Variants in CERT1 observed in about 807,000 individuals in gnomAD.
The protein encoded by CERT1 is ceramide transfer protein.
A neutral mutation model predicts 87.9 loss-of-function variants in CERT1; 31 were observed. That is an observed-to-expected ratio of 0.35 (90% CI 0.27 to 0.48). The LOEUF (loss-of-function observed/expected upper bound fraction) is 0.48. Ranked by LOEUF, CERT1 falls within the 20% of genes least tolerant of loss-of-function variation. The pLI is 0.99. For synonymous variants in CERT1, 289 were observed against 250.9 expected (o/e 1.15, Z -1.44); for missense variants, 487 against 758.0 (o/e 0.64, Z 4.20).
chr5:75,432,055 C>G (rs112087285), intron 3 of CERT1, among the ~76,000 whole-genome samples: 7 of 150,642 alleles, frequency 4.6e-5, no homozygotes, highest in Admixed American at 2.0e-4. Flanking sequence ...CATTCCCCCC[C>G]CCTTTTTTTT....
At chr5:75,403,079 G>GA in intron 8 of CERT1, 21 bp from the exon 9 acceptor site, 3 of 1,510,018 alleles carry the variant, frequency 2.0e-6, no homozygotes, top group Non-Finnish European at 2.7e-6. Context: ...ACACAGTGGA[G>GA]AAAAAAGCAG....
intron 2 of CERT1, among the ~76,000 whole-genome samples, chr5:75,463,100 T>C (rs1283918767): frequency 1.3e-5 from 2 of 151,212 alleles, no homozygotes; most frequent in East Asian, 1.9e-4. Context: ...AAGCAAATAC[T>C]TTAGCTGGTG....
chr5:75,502,600 T>A (rs1255356270), intron 2 of CERT1, among the ~76,000 whole-genome samples: 1 of 152,120 alleles, frequency 6.6e-6, no homozygotes, highest in Non-Finnish European at 1.5e-5. Flanking sequence ...TAAATATTTA[T>A]GAAAGATATA....
intron 5 of CERT1, 151 bp from the exon 6 acceptor site, chr5:75,419,575 T>TCA: frequency 1.6e-6 from 1 of 609,210 alleles, no homozygotes; most frequent in Non-Finnish European, 2.9e-6. Context: ...CAAGGTATGC[T>TCA]CAATAAATAT....
intron 11 of CERT1, among the ~76,000 whole-genome samples, chr5:75,398,311 AAAT>A (rs1561233253): frequency 3.9e-5 from 6 of 152,312 alleles, no homozygotes; most frequent in African/African-American, 9.6e-5. Context: ...ACAGAGGAAA[AAAT>A]AATGATGTAG....
intron 8 of CERT1, among the ~76,000 whole-genome samples, chr5:75,407,533 C>A (rs996874009): frequency 1.7e-4 from 23 of 137,450 alleles, no homozygotes; most frequent in African/African-American, 6.2e-4. Context: ...AAAACCCAAA[C>A]AAACAAACAA....
intron 2 of CERT1, among the ~76,000 whole-genome samples, chr5:75,499,661 C>T (rs192234345): frequency 6.6e-6 from 1 of 152,284 alleles, no homozygotes; most frequent in East Asian, 1.9e-4. Context: ...CCAGATTTGA[C>T]TTCACGGCCC....
intron 2 of CERT1, among the ~76,000 whole-genome samples, chr5:75,495,557 CACTT>C (rs772980838): frequency 3.0e-4 from 46 of 150,972 alleles, no homozygotes; most frequent in Non-Finnish European, 6.3e-4. Context: ...GACCCTATCT[CACTT>C]ACAAAAAAAA....
intron 3 of CERT1, among the ~76,000 whole-genome samples, chr5:75,451,173 T>C (rs928162867): frequency 5.9e-5 from 9 of 152,324 alleles, no homozygotes; most frequent in East Asian, 1.9e-4. Flanking sequence ...ATCTACATTG[T>C]GGTGTTTTAA....
chr5:75,383,758 C>T (rs1024744930), intron 14 of CERT1, among the ~76,000 whole-genome samples: 8 of 152,036 alleles, frequency 5.3e-5, no homozygotes, highest in Non-Finnish European at 1.0e-4. Context: ...AACAAAGTAC[C>T]TATTAAATCA....
At chr5:75,374,536 A>C (rs999554969), downstream of CERT1, 1 of 717,378 alleles carries the variant, frequency 1.4e-6, no homozygotes, top group Non-Finnish European at 2.6e-6. Flanking sequence ...TGCTGCACGA[A>C]CCGTGCCTGA....
At chr5:75,506,622 A>C (rs1423635137) in intron 1 of CERT1, among the ~76,000 whole-genome samples, 2 of 152,208 alleles carry the variant, frequency 1.3e-5, no homozygotes, top group African/African-American at 4.8e-5. Context: ...TTATTCCTAT[A>C]TGAAAATTTA....
At chr5:75,389,412 G>T (rs1761942119) in intron 12 of CERT1, among the ~76,000 whole-genome samples, 180 bp downstream of exon 12, 1 of 152,076 alleles carries the variant, frequency 6.6e-6, no homozygotes, top group Admixed American at 6.5e-5. Context: ...TTTAGTAAAG[G>T]CAAAGCCAGA....
intron 1 of CERT1, among the ~76,000 whole-genome samples, chr5:75,508,761 G>C (rs1321132936): frequency 6.6e-6 from 1 of 152,164 alleles, no homozygotes; most frequent in African/African-American, 2.4e-5. Context: ...GGTCTTGAAT[G>C]ATGGCAAAAT....
chr5:75,481,092 T>A (rs980227540), intron 2 of CERT1, among the ~76,000 whole-genome samples: 2 of 152,218 alleles, frequency 1.3e-5, no homozygotes, highest in Non-Finnish European at 2.9e-5. Context: ...AAAGTCCTTA[T>A]GGATGATCCA....
At chr5:75,439,398 T>C (rs1005620338) in intron 3 of CERT1, among the ~76,000 whole-genome samples, 5 of 152,038 alleles carry the variant, frequency 3.3e-5, no homozygotes, top group Non-Finnish European at 5.9e-5. Context: ...ACTTGCCTTT[T>C]GAAAACCTTC....
intron 11 of CERT1, among the ~76,000 whole-genome samples, chr5:75,396,905 A>C (rs1436709763): frequency 6.6e-6 from 1 of 152,210 alleles, no homozygotes; most frequent in African/African-American, 2.4e-5. Flanking sequence ...ATAATTTTAC[A>C]CTGTGTTGAA....
At chr5:75,487,297 G>A (rs1190867952) in intron 2 of CERT1, among the ~76,000 whole-genome samples, 1 of 152,012 alleles carries the variant, frequency 6.6e-6, no homozygotes, top group Non-Finnish European at 1.5e-5. Flanking sequence ...AATGAAACTA[G>A]ACCCCTACCT....
chr5:75,462,163 T>C (rs1765258992), intron 2 of CERT1, among the ~76,000 whole-genome samples: 1 of 152,162 alleles, frequency 6.6e-6, no homozygotes, highest in African/African-American at 2.4e-5. Context: ...AAGTAATTAT[T>C]AGAAAGAAAC....
Sources: gnomAD v4.1 joint callset for allele counts (sites outside exome capture counted in the v4.1 genomes callset) on GRCh38, gnomAD v4.1.1 for gene constraint, MANE v1.5 for transcripts, NCBI Gene and HGNC (gene_info 2026-07-23, HGNC 2026-07-21) for gene names.